Variants in TMEM178A observed in about 807,000 individuals in gnomAD.
TMEM178A encodes the protein transmembrane protein 178.
A neutral mutation model predicts 29.1 loss-of-function variants in TMEM178A; 12 were observed. The ratio of observed to expected loss-of-function variants is 0.41; its 90% CI spans 0.26 to 0.67. The LOEUF (loss-of-function observed/expected upper bound fraction) is 0.67, where lower values mean the gene tolerates loss of function less well. Ranked by LOEUF, TMEM178A falls within the 30% of genes least tolerant of loss-of-function variation. The pLI is 0.29. For missense variants in TMEM178A, 366 were observed against 419.1 expected (o/e 0.87, Z 1.11); for synonymous variants, 210 against 187.2 (o/e 1.12, Z -0.99).
chr2:39,733,844 G>A, the TMEM178A span, among the ~76,000 whole-genome samples: 9 of 152,104 alleles, frequency 5.9e-5, no homozygotes, highest in Admixed American at 3.9e-4. Flanking sequence ...CTTCCTACCC[G>A]TAATCGTGAA....
the TMEM178A span, among the ~76,000 whole-genome samples, chr2:39,732,704 C>A: frequency 1.3e-5 from 2 of 152,196 alleles, no homozygotes; most frequent in Non-Finnish European, 2.9e-5. Context: ...GCTTCACACA[C>A]CCTCCAGGTC....
chr2:39,676,870 T>G (rs1670649619), intron 1 of TMEM178A, among the ~76,000 whole-genome samples: 1 of 152,168 alleles, frequency 6.6e-6, no homozygotes, highest in Non-Finnish European at 1.5e-5. Flanking sequence ...CATACTGCCC[T>G]AATAGACACA....
chr2:39,698,843 C>G (rs1229175126), intron 1 of TMEM178A, among the ~76,000 whole-genome samples: 1 of 151,952 alleles, frequency 6.6e-6, no homozygotes, highest in African/African-American at 2.4e-5. Context: ...AATTTCTTTA[C>G]TTGTTATAGA....
At chr2:39,666,915 G>A (rs1035581746) in intron 1 of TMEM178A, among the ~76,000 whole-genome samples, 1 of 152,242 alleles carries the variant, frequency 6.6e-6, no homozygotes, top group Non-Finnish European at 1.5e-5. Flanking sequence ...CGGAACTGAT[G>A]TGGTCATCCC....
the TMEM178A span, among the ~76,000 whole-genome samples, chr2:39,735,016 C>T: frequency 4.6e-5 from 7 of 152,170 alleles, no homozygotes; most frequent in Admixed American, 4.6e-4. Flanking sequence ...TCTTTACTTT[C>T]ACCCTTCTCT....
At chr2:39,725,623 G>A in the TMEM178A span, among the ~76,000 whole-genome samples, 3 of 152,216 alleles carry the variant, frequency 2.0e-5, no homozygotes, top group East Asian at 5.8e-4. Context: ...TGGGATGTCA[G>A]TGGGTGTGGA....
chr2:39,673,737 C>G (rs1670499168), intron 1 of TMEM178A, among the ~76,000 whole-genome samples: 1 of 152,236 alleles, frequency 6.6e-6, no homozygotes, highest in Non-Finnish European at 1.5e-5. Context: ...TACAGCAGAA[C>G]TAGCAGGGTA....
chr2:39,682,446 C>T (rs937386138), intron 1 of TMEM178A, among the ~76,000 whole-genome samples: 9 of 151,718 alleles, frequency 5.9e-5, no homozygotes, highest in African/African-American at 1.9e-4. Flanking sequence ...TCCTAAATAT[C>T]GTATGCTTCT....
chr2:39,701,875 T>C (rs1188426147), intron 1 of TMEM178A, among the ~76,000 whole-genome samples: 1 of 152,174 alleles, frequency 6.6e-6, no homozygotes, highest in Non-Finnish European at 1.5e-5. Flanking sequence ...CCAGAATTTC[T>C]ATTTTTTTCT....
chr2:39,716,204 C>A (rs1356824517), intron 3 of TMEM178A, among the ~76,000 whole-genome samples: 1 of 152,182 alleles, frequency 6.6e-6, no homozygotes, highest in Non-Finnish European at 1.5e-5. Context: ...CTTGAGGGTC[C>A]ATTGCGGTGG....
chr2:39,666,818 T>G (rs1462685548), intron 1 of TMEM178A, among the ~76,000 whole-genome samples: 1 of 152,236 alleles, frequency 6.6e-6, no homozygotes, highest in Non-Finnish European at 1.5e-5. Context: ...GTGCTCCTTT[T>G]GGAAATACCG....
chr2:39,721,492 C>T (rs1331276081), downstream of TMEM178A, among the ~76,000 whole-genome samples: 1 of 152,142 alleles, frequency 6.6e-6, no homozygotes, highest in African/African-American at 2.4e-5. Flanking sequence ...TGCTTGGTTT[C>T]TCTTAGGTCT....
chr2:39,714,855 G>A (rs1302634431), intron 3 of TMEM178A, among the ~76,000 whole-genome samples: 4 of 152,092 alleles, frequency 2.6e-5, no homozygotes, highest in African/African-American at 7.2e-5. Context: ...AGATACATAG[G>A]ACATTCCATT....
chr2:39,668,765 T>C (rs1294343568), intron 1 of TMEM178A, among the ~76,000 whole-genome samples: 1 of 152,218 alleles, frequency 6.6e-6, no homozygotes, highest in Non-Finnish European at 1.5e-5. Flanking sequence ...CTTGGGCTAG[T>C]TACATAATTC....
In TMEM178A at chr2:39,707,183, A is replaced by T; in HGVS notation, c.649A>T (p.Thr217Ser). 1 of 1,610,550 alleles carries T rather than the reference A, an allele frequency of 6.2e-7. No individual in the cohort carries two copies. The highest frequency in any genetic ancestry group is 8.5e-7 in the Non-Finnish European group (1 of 1,178,748). Residue 217 changes from threonine to serine, a missense_variant, in exon 3 of 4, where the codon ACA becomes TCA. By Grantham distance (58) the Thr-to-Ser change is moderately conservative. Coordinates refer to ENST00000281961, the MANE Select transcript of TMEM178A (RefSeq NM_152390.3). ...QHVAGLLFLM[T>S]GIFCTISLCT... is the part of the protein sequence containing the mutation. Reference sequence around the variant, plus strand: ...CGTGGCTGGACTCCTGTTCCTCATGACAGGTAGGCTGCATGCCTCAGGCCG... The same window carrying T: ...CGTGGCTGGACTCCTGTTCCTCATGTCAGGTAGGCTGCATGCCTCAGGCCG...
At chr2:39,668,136 T>C (rs1670249597) in intron 1 of TMEM178A, among the ~76,000 whole-genome samples, 1 of 152,242 alleles carries the variant, frequency 6.6e-6, no homozygotes, top group Non-Finnish European at 1.5e-5. Context: ...GCAAATGCCC[T>C]GGCTAACTGA....
At position 39,705,754 on chromosome 2, in the gene TMEM178A, A is replaced by G. The variant is rs575577313; in HGVS notation, c.515-1295A>G. ...AGCTGCCCAGGAGCCACACAAACAC[A>G]CAATAAAGTGATGGCTGCATGGGCA... is the stretch of plus-strand genomic sequence containing the variant. On this transcript the variant is annotated intron_variant, in intron 2 of 3. Transcript: ENST00000281961. 1.7e-3 allele frequency among the ~76,000 whole-genome samples: 256 copies of G among 152,280 alleles called. 1 individual carries two copies. The highest frequency in any genetic ancestry group is 5.9e-3 in the African/African-American group (246 of 41,550).
chr2:39,694,424 G>T (rs1220354602), intron 1 of TMEM178A, among the ~76,000 whole-genome samples: 6 of 152,104 alleles, frequency 3.9e-5, no homozygotes, highest in Admixed American at 2.6e-4. Flanking sequence ...TTAATAATAA[G>T]AAACAATTAT....
intron 1 of TMEM178A, among the ~76,000 whole-genome samples, chr2:39,683,243 G>T (rs1371292372): frequency 6.6e-6 from 1 of 152,172 alleles, no homozygotes; most frequent in South Asian, 2.1e-4. Context: ...ATTTTGGGAA[G>T]CCTCCTACCT....
Sources: gnomAD v4.1 joint callset for allele counts (sites outside exome capture counted in the v4.1 genomes callset) on GRCh38, gnomAD v4.1.1 for gene constraint, MANE v1.5 for transcripts, NCBI Gene and HGNC (gene_info 2026-07-23, HGNC 2026-07-21) for gene names.